Variants in CADM1 observed in about 807,000 individuals in gnomAD.
CADM1 encodes the protein TSLC-1.
A neutral mutation model predicts 53.1 loss-of-function variants in CADM1; 15 were observed. That is an observed-to-expected ratio of 0.28 (90% CI 0.19 to 0.44). CADM1 has a LOEUF of 0.44. Among genes scored for constraint, CADM1 ranks in the 20% least tolerant of loss-of-function variants. CADM1 has a pLI of 1.00. For missense variants in CADM1, 434 were observed against 611.3 expected (o/e 0.71, Z 3.06); for synonymous variants, 281 against 243.0 (o/e 1.16, Z -1.45).
chr11:115,254,426 C>G (rs1243520943), intron 1 of CADM1, among the ~76,000 whole-genome samples: 3 of 151,824 alleles, frequency 2.0e-5, no homozygotes, highest in African/African-American at 7.3e-5. Flanking sequence ...GAAGCCAATA[C>G]TTTTCGATAT....
At chr11:115,400,577 TAA>T (rs1491431920) in intron 1 of CADM1, among the ~76,000 whole-genome samples, 4 of 140,972 alleles carry the variant, frequency 2.8e-5, no homozygotes, top group South Asian at 2.2e-4. Flanking sequence ...TATATATATA[TAA>T]TATATATATA....
intron 1 of CADM1, among the ~76,000 whole-genome samples, chr11:115,274,509 A>T (rs1231377638): frequency 6.6e-6 from 1 of 152,226 alleles, no homozygotes; most frequent in African/African-American, 2.4e-5. Context: ...CAAAATCTTG[A>T]CAATGGTCCA....
chr11:115,493,998 A>G (rs1949554276), intron 1 of CADM1, among the ~76,000 whole-genome samples: 1 of 152,180 alleles, frequency 6.6e-6, no homozygotes, highest in Non-Finnish European at 1.5e-5. Flanking sequence ...TATAATTTCA[A>G]TGTAATAATG....
intron 1 of CADM1, among the ~76,000 whole-genome samples, chr11:115,270,971 A>C (rs1039117741): frequency 2.6e-5 from 4 of 152,218 alleles, no homozygotes; most frequent in South Asian, 2.1e-4. Flanking sequence ...CAACACAACC[A>C]CCAGATTGTG....
chr11:115,289,880 C>T (rs1018631993), intron 1 of CADM1, among the ~76,000 whole-genome samples: 4 of 152,090 alleles, frequency 2.6e-5, no homozygotes, highest in Non-Finnish European at 4.4e-5. Flanking sequence ...CAGGCGTGAA[C>T]CACCGCGCCC....
intron 1 of CADM1, among the ~76,000 whole-genome samples, chr11:115,469,574 T>C (rs182771410): frequency 5.6e-4 from 85 of 152,252 alleles, no homozygotes; most frequent in South Asian, 2.9e-3. Flanking sequence ...CGTTTCAAAC[T>C]ACTCTGCTAC....
intron 1 of CADM1, among the ~76,000 whole-genome samples, chr11:115,329,475 C>G (rs141326838): frequency 3.3e-5 from 5 of 152,052 alleles, no homozygotes; most frequent in Non-Finnish European, 7.4e-5. Context: ...GGGTGTGGCT[C>G]GTCTGTTGGG....
At chr11:115,488,242 AT>A (rs1949419641) in intron 1 of CADM1, among the ~76,000 whole-genome samples, 1 of 152,206 alleles carries the variant, frequency 6.6e-6, no homozygotes, top group African/African-American at 2.4e-5. Flanking sequence ...AATTCAAAGC[AT>A]TTAAAGTACC....
chr11:115,331,301 T>C (rs1274267373), intron 1 of CADM1, among the ~76,000 whole-genome samples: 2 of 152,216 alleles, frequency 1.3e-5, no homozygotes, highest in African/African-American at 2.4e-5. Flanking sequence ...CAGTTATTTA[T>C]GCTCTCTAAA....
rs114165987 is a variant in CADM1, at chr11:115,390,857, T to C, written c.124+113414A>G. ...CCCTGGTTTGAGTAATCTTGAACTATGAATCTCATAAACTCAGCCAATAAA... is the reference window on the plus strand; with the variant it reads ...CCCTGGTTTGAGTAATCTTGAACTACGAATCTCATAAACTCAGCCAATAAA... On this transcript the variant is annotated intron_variant, in intron 1 of 11. Transcript: ENST00000331581. Among the ~76,000 whole-genome samples the C allele has an allele frequency of 6.2e-3, 949 of 152,342 alleles. 13 individuals are homozygous for C. The highest frequency in any genetic ancestry group is 0.022 in the African/African-American group (910 of 41,574).
At chr11:115,362,759 A>G (rs996545663) in intron 1 of CADM1, among the ~76,000 whole-genome samples, 1 of 152,224 alleles carries the variant, frequency 6.6e-6, no homozygotes, top group African/African-American at 2.4e-5. Flanking sequence ...ACAAACAAAC[A>G]TCAATAAAGC....
chr11:115,332,878 A>G (rs1269502643), intron 1 of CADM1, among the ~76,000 whole-genome samples: 1 of 152,034 alleles, frequency 6.6e-6, no homozygotes, highest in Non-Finnish European at 1.5e-5. Flanking sequence ...GAATGGGGGG[A>G]AAAAAGCGAT....
chr11:115,397,133 A>G (rs1442271505), intron 1 of CADM1: 1 of 152,170 alleles, frequency 6.6e-6, no homozygotes, highest in Admixed American at 6.5e-5. Flanking sequence ...TACAACTCTG[A>G]GTGTGTTATT....
chr11:115,433,387 G>C (rs575794458), intron 1 of CADM1, among the ~76,000 whole-genome samples: 1 of 152,244 alleles, frequency 6.6e-6, no homozygotes, highest in Admixed American at 6.5e-5. Context: ...GTTCCAAAGG[G>C]AGCTCAAAGT....
intron 1 of CADM1, among the ~76,000 whole-genome samples, chr11:115,280,978 G>A (rs968151503): frequency 6.6e-6 from 1 of 152,202 alleles, no homozygotes. Context: ...CTTCTCAATG[G>A]AATAGAAATA....
intron 1 of CADM1, among the ~76,000 whole-genome samples, chr11:115,295,540 A>AT (rs1565349415): frequency 2.3e-4 from 14 of 60,458 alleles, no homozygotes; most frequent in African/African-American, 1.4e-3. Flanking sequence ...ATATATATAT[A>AT]TATATATATA....
chr11:115,214,480 CTTT>C (rs771116983), intron 7 of CADM1, 125 bp downstream of exon 7: 17 of 898,594 alleles, frequency 1.9e-5, no homozygotes, highest in Non-Finnish European at 9.0e-6. Context: ...GGCCAGGCTT[CTTT>C]AAGTTCTAGA....
intron 1 of CADM1, among the ~76,000 whole-genome samples, chr11:115,315,164 T>C (rs995716399): frequency 6.6e-6 from 1 of 152,128 alleles, no homozygotes; most frequent in Non-Finnish European, 1.5e-5. Flanking sequence ...CTAACTGTTC[T>C]ACCAAAAGAA....
chr11:115,209,468 C>A, intron 8 of CADM1, 106 bp downstream of exon 8: 2 of 1,525,966 alleles, frequency 1.3e-6, no homozygotes, highest in Admixed American at 1.8e-5. Flanking sequence ...AATAAAGGAA[C>A]GATTAAATTC....
Sources: gnomAD v4.1 joint callset for allele counts (sites outside exome capture counted in the v4.1 genomes callset) on GRCh38, gnomAD v4.1.1 for gene constraint, MANE v1.5 for transcripts, NCBI Gene and HGNC (gene_info 2026-07-23, HGNC 2026-07-21) for gene names.